DST: variants seen among roughly 807,000 people sequenced by gnomAD.
DST encodes the protein bullous pemphigoid antigen.
Under a neutral mutation model 875.2 loss-of-function variants are expected in DST, and 253 were observed. That is an observed-to-expected ratio of 0.29 (90% CI 0.26 to 0.32). The LOEUF is 0.32. Among genes scored for constraint, DST ranks in the 10% least tolerant of loss-of-function variants. The pLI is 1.00. For synonymous variants in DST, 3,124 were observed against 3,197.1 expected (o/e 0.98, Z 0.77); for missense variants, 8,287 against 9,111.6 (o/e 0.91, Z 3.68).
chr6:56,835,649 C>A (rs1480647949), intron 4 of DST, among the ~76,000 whole-genome samples: 1 of 152,158 alleles, frequency 6.6e-6, no homozygotes, highest in African/African-American at 2.4e-5. Context: ...CCTATTTTAT[C>A]CCGCCTTTAT....
At chr6:56,627,692 C>G (rs1290418970) in intron 33 of DST, among the ~76,000 whole-genome samples, 1 of 152,122 alleles carries the variant, frequency 6.6e-6, no homozygotes, top group African/African-American at 2.4e-5. Flanking sequence ...ACCTAGAAAA[C>G]TATTGAGGCC....
intron 4 of DST, among the ~76,000 whole-genome samples, chr6:56,772,108 T>C (rs895401263): frequency 2.7e-4 from 41 of 152,182 alleles, no homozygotes; most frequent in African/African-American, 9.2e-4. Flanking sequence ...GACATGAGGA[T>C]TGAGTAATGC....
chr6:56,460,145 C>G lies in DST; in HGVS notation c.23180G>C (p.Arg7727Pro). The G allele has an allele frequency of 6.2e-7, 1 of 1,612,742 alleles. No individual in the cohort carries two copies. Among genetic ancestry groups the G allele is most frequent in the Non-Finnish European group, 8.5e-7 (1 of 1,179,060 alleles). ...ACCACACTCACCAGCAAACTGTGTT[C>G]GGACTCTGGCAGCTGCAGTTGTTAT... ...GLITTAAARV[R>P]TQFADSKKTP... Residue 7727 changes from arginine to proline, a missense_variant, in exon 103 of 104, where the codon CGA (arginine) becomes CCA (proline). Physicochemically the swap from Arg to Pro is moderately radical, Grantham distance 103. Around this residue, in one of 10 missense-constraint regions of DST, gnomAD observed 240 missense variants for 237.3 expected, o/e 1.01. Coordinates refer to ENST00000680361, the MANE Select transcript of DST (RefSeq NM_001374736.1).
intron 2 of DST, among the ~76,000 whole-genome samples, chr6:56,934,560 T>TTTTTATATATATATA (rs869186436): frequency 1.9e-5 from 2 of 106,486 alleles, no homozygotes; most frequent in African/African-American, 7.1e-5. Flanking sequence ...ATATATTATA[T>TTTTTATATATATATA]TATATATATA....
At chr6:56,624,413 C>G (rs1292871566) in intron 36 of DST, 117 bp downstream of exon 36, 1 of 733,256 alleles carries the variant, frequency 1.4e-6, no homozygotes, top group East Asian at 2.6e-5. Flanking sequence ...ATTTGTACAT[C>G]TGCTACCGGC....
intron 10 of DST, chr6:56,670,422 C>A (rs917148487): frequency 2.9e-6 from 1 of 342,836 alleles, no homozygotes; most frequent in African/African-American, 2.1e-5. Flanking sequence ...TGTTCTCGAA[C>A]TCCCAGGCTC....
chr6:56,681,169 T>C (rs2152842331), intron 9 of DST, among the ~76,000 whole-genome samples: 1 of 152,248 alleles, frequency 6.6e-6, no homozygotes, highest in East Asian at 1.9e-4. Context: ...TATTTCCTCC[T>C]GCATTCCTAG....
At chr6:56,676,089 T>C (rs1438414183) in intron 9 of DST, among the ~76,000 whole-genome samples, 3 of 152,054 alleles carry the variant, frequency 2.0e-5, no homozygotes, top group Non-Finnish European at 2.9e-5. Flanking sequence ...TTGTTTGAGA[T>C]GGAGTCTCGC....
intron 55 of DST, among the ~76,000 whole-genome samples, chr6:56,566,424 C>T (rs2097679229): frequency 6.6e-6 from 1 of 152,100 alleles, no homozygotes; most frequent in African/African-American, 2.4e-5. Flanking sequence ...TGGCACAGTC[C>T]CTCACAGCTT....
rs551188467 is a variant in DST, at chr6:56,617,318, C to T, written c.4930-2834G>A. On this transcript the variant is annotated intron_variant, in intron 36 of 103. Transcript: ENST00000680361. The stretch of plus-strand genomic sequence containing the variant: ...TTTCTTGAGTCCACCAGATGCTCTG[C>T]ACCCTTCAAGCATCCATTCTTCAGC... 18 of 1,613,928 alleles carry T rather than the reference C, an allele frequency of 1.1e-5. No homozygotes were observed. The East Asian group carries it at 1.6e-4, about 14-fold the overall frequency.
chr6:56,559,698 C>T (rs1006052618), intron 58 of DST, among the ~76,000 whole-genome samples: 2 of 151,888 alleles, frequency 1.3e-5, no homozygotes, highest in African/African-American at 4.8e-5. Flanking sequence ...CACTCATTTT[C>T]TACATCATTA....
intron 10 of DST, among the ~76,000 whole-genome samples, chr6:56,659,928 T>C (rs1376700962): frequency 6.6e-6 from 1 of 152,036 alleles, no homozygotes; most frequent in Non-Finnish European, 1.5e-5. Flanking sequence ...AGGACTCCTG[T>C]GTTGAACAGC....
chr6:56,685,444 C>A (rs2099178609), intron 9 of DST, among the ~76,000 whole-genome samples: 1 of 152,148 alleles, frequency 6.6e-6, no homozygotes, highest in South Asian at 2.1e-4. Flanking sequence ...ATCAGAACCA[C>A]AATGAGATAC....
intron 5 of DST, among the ~76,000 whole-genome samples, chr6:56,712,916 CAG>C (rs1268940854): frequency 6.6e-6 from 1 of 152,170 alleles, no homozygotes; most frequent in Non-Finnish European, 1.5e-5. Context: ...ATTCATAAAT[CAG>C]ATTCAAATTG....
At chr6:56,689,570 A>C (rs2152856171) in intron 9 of DST, among the ~76,000 whole-genome samples, 1 of 152,326 alleles carries the variant, frequency 6.6e-6, no homozygotes, top group African/African-American at 2.4e-5. Flanking sequence ...TAAGCAATCT[A>C]GAGGATTCTC....
At position 56,526,362 on chromosome 6, in the gene DST, T is replaced by C; in HGVS notation, c.18128A>G (p.Gln6043Arg). Residue 6043 changes from glutamine to arginine, a missense_variant and splice_region_variant, in exon 69 of 104, where the codon CAG becomes CGG. By Grantham distance (43) the Gln-to-Arg change is conservative. Around this residue, in one of 10 missense-constraint regions of DST, gnomAD observed 777 missense variants for 764.8 expected, o/e 1.02. Transcript: ENST00000680361. ...EIDAAILRSQQFDQAADAELS... is the reference protein window; with the variant it reads ...EIDAAILRSQRFDQAADAELS... ...AAACAACAAACCATTTTTCCCTACCTGCTGTGATCGCAGAATGGCTGCATC... is the reference window on the plus strand; with the variant it reads ...AAACAACAAACCATTTTTCCCTACCCGCTGTGATCGCAGAATGGCTGCATC... The C allele has an allele frequency of 6.2e-7, 1 of 1,613,606 alleles. No homozygotes were observed. The highest frequency in any genetic ancestry group is 8.5e-7 in the Non-Finnish European group (1 of 1,179,724).
rs145891100 is a variant in DST at position 56,615,976 on chromosome 6, C to T, written c.4930-1492G>A. 1,429 of 1,614,230 alleles carry T rather than the reference C, an allele frequency of 8.9e-4. 4 individuals carry two copies. In the African/African-American group the frequency reaches 0.017, roughly 19 times the overall value. Reference sequence around the variant, plus strand: ...TATGCAAAGCTTCGGCCACCCGGTACTTTTTGCCAGTAAGAGGATCAATTA... The same window carrying T: ...TATGCAAAGCTTCGGCCACCCGGTATTTTTTGCCAGTAAGAGGATCAATTA... On this transcript the variant is annotated intron_variant, in intron 36 of 103. Coordinates refer to ENST00000680361, the MANE Select transcript of DST (RefSeq NM_001374736.1).
chr6:56,506,901 T>C, intron 75 of DST, 112 bp from the exon 76 acceptor site: 2 of 1,122,000 alleles, frequency 1.8e-6, no homozygotes, highest in South Asian at 3.1e-5. Context: ...ATTCTAATCA[T>C]TTTTCTGTTT....
chr6:56,545,902 GTTCT>G (rs779877672), intron 61 of DST, among the ~76,000 whole-genome samples: 1 of 152,066 alleles, frequency 6.6e-6, no homozygotes, highest in Non-Finnish European at 1.5e-5. Flanking sequence ...AGCAAAAATT[GTTCT>G]TTCTAAAACA....
Sources: allele counts gnomAD v4.1 joint callset (sites outside exome capture counted in the v4.1 genomes callset), GRCh38; gene constraint gnomAD v4.1.1; regional missense constraint gnomAD v4.1.1; transcripts MANE v1.5; gene names NCBI Gene and HGNC (gene_info 2026-07-23, HGNC 2026-07-21).